The following HTR1D variants were observed in gnomAD, a reference collection of about 807,000 sequenced individuals.
The protein encoded by HTR1D is 5-HT-1D.
Under a neutral mutation model 21.1 loss-of-function variants are expected in HTR1D, and 18 were observed. That is an observed-to-expected ratio of 0.85 (90% CI 0.59 to 1.27). The LOEUF (loss-of-function observed/expected upper bound fraction) is 1.27, where lower values mean the gene tolerates loss of function less well. Ranked by LOEUF, HTR1D falls within the 50% of genes most tolerant of loss-of-function variation. The pLI is 0.00. For synonymous variants in HTR1D, 196 were observed against 204.4 expected (o/e 0.96, Z 0.35); for missense variants, 456 against 481.4 (o/e 0.95, Z 0.49).
chr1:23,212,826 CTTT>C (rs34716227), intron 1 of HTR1D, among the ~76,000 whole-genome samples: 27 of 146,750 alleles, frequency 1.8e-4, no homozygotes, highest in East Asian at 4.0e-4. Context: ...CTGAGTGCCT[CTTT>C]TTTTTTTTTT....
intron 1 of HTR1D, among the ~76,000 whole-genome samples, chr1:23,196,474 A>T (rs636940): frequency 0.35 from 52,909 of 150,938 alleles, 9,811 homozygotes; most frequent in African/African-American, 0.47. Flanking sequence ...GCAGCAGCTA[A>T]ACCTGCAATG....
At chr1:23,199,495 G>A (rs935588417) in intron 1 of HTR1D, among the ~76,000 whole-genome samples, 25 of 124,250 alleles carry the variant, frequency 2.0e-4, no homozygotes, top group African/African-American at 7.3e-4. Context: ...TAGTGGCACA[G>A]TCATAGCTCA....
intron 1 of HTR1D, among the ~76,000 whole-genome samples, chr1:23,210,725 C>T (rs1247065112): frequency 6.6e-6 from 1 of 151,922 alleles, no homozygotes; most frequent in Non-Finnish European, 1.5e-5. Flanking sequence ...TTTCAAGTCT[C>T]CCCCCCAGCT....
chr1:23,199,842 A>G (rs542465967), intron 1 of HTR1D, among the ~76,000 whole-genome samples: 3 of 152,054 alleles, frequency 2.0e-5, no homozygotes, highest in Non-Finnish European at 4.4e-5. Flanking sequence ...AGTAGCTGGG[A>G]CTACAAGCAC....
intron 1 of HTR1D, among the ~76,000 whole-genome samples, chr1:23,199,422 T>C (rs1644701718): frequency 2.5e-5 from 1 of 40,698 alleles, no homozygotes; most frequent in African/African-American, 1.5e-4. Context: ...GGTCTTTTTT[T>C]TTTTTTTTTT....
chr1:23,201,151 A>G (rs1293281213), intron 1 of HTR1D, among the ~76,000 whole-genome samples: 1 of 152,232 alleles, frequency 6.6e-6, no homozygotes, highest in African/African-American at 2.4e-5. Flanking sequence ...TTGGGAATTT[A>G]GAATGGAGAC....
intron 1 of HTR1D, among the ~76,000 whole-genome samples, chr1:23,208,843 T>C (rs574005447): frequency 6.6e-6 from 1 of 152,110 alleles, no homozygotes; most frequent in African/African-American, 2.4e-5. Context: ...TGTGTGGCCA[T>C]TGGGCACTTG....
rs1255344481 is a variant in HTR1D, at chr1:23,217,158, C to T, written c.-783+133G>A. 1.3e-5 allele frequency among the ~76,000 whole-genome samples: 2 copies of T among 151,768 alleles called. No individual in the cohort carries two copies. The highest frequency in any genetic ancestry group is 4.8e-5 in the African/African-American group (2 of 41,378). ...GTCCTCCGGGACCCTCTCCCTGGCG[C>T]GCGCCCGTCCGAGGGCACAGAGAGG... On this transcript the variant is annotated intron_variant, in intron 1 of 1. Coordinates refer to ENST00000374619, the MANE Select transcript of HTR1D (RefSeq NM_000864.5). The surrounding 1 kb of genome is among the most constrained non-coding windows in gnomAD (Gnocchi z 4.6).
At chr1:23,198,282 C>T (rs1431469286) in intron 1 of HTR1D, among the ~76,000 whole-genome samples, 3 of 146,104 alleles carry the variant, frequency 2.1e-5, no homozygotes, top group Non-Finnish European at 4.5e-5. Flanking sequence ...AGGAGAATGG[C>T]GTGAACCCAG....
intron 1 of HTR1D, among the ~76,000 whole-genome samples, chr1:23,202,258 G>A (rs1644712224): frequency 6.6e-6 from 1 of 151,920 alleles, no homozygotes. Context: ...CACCACAACC[G>A]ACTAATTTTT....
chr1:23,204,983 T>C (rs1177874832), intron 1 of HTR1D, among the ~76,000 whole-genome samples: 2 of 152,152 alleles, frequency 1.3e-5, no homozygotes, highest in Admixed American at 6.6e-5. Flanking sequence ...TGCAAAATCA[T>C]AGAACCAACC....
At position 23,192,860 on chromosome 1, in the gene HTR1D, T is replaced by C. The variant is rs556505305; in HGVS notation, c.*226A>G. Reference sequence around the variant, plus strand: ...CAAAAAAAAAAAAAAAGAAAGAAAATATTATGCTAAGTAGTGAAATCTTCA... The same window carrying C: ...CAAAAAAAAAAAAAAAGAAAGAAAACATTATGCTAAGTAGTGAAATCTTCA... On this transcript the variant is annotated 3_prime_UTR_variant, in exon 2 of 2. Coordinates refer to ENST00000374619, the MANE Select transcript of HTR1D (RefSeq NM_000864.5). 906 of 241,058 alleles carry C rather than the reference T, an allele frequency of 3.8e-3. 10 individuals carry two copies. The highest frequency in any genetic ancestry group is 4.8e-3 in the Non-Finnish European group (647 of 133,606). The allele number at this position is 241,058 out of a possible 1,614,324, so 14.9% of individuals were successfully genotyped here.
intron 1 of HTR1D, among the ~76,000 whole-genome samples, chr1:23,198,880 C>A (rs573372298): frequency 3.3e-4 from 50 of 152,254 alleles, no homozygotes; most frequent in African/African-American, 1.2e-3. Flanking sequence ...GGAATATAAT[C>A]ATAAAGGGTT....
Position 23,192,457 on chromosome 1 carries a change from T to C in HTR1D, c.*629A>G, listed in dbSNP as rs1644661553. ...GAGAGCCTTCCCTCTGAGTCTGGGG[T>C]CTTTTCTATAATCAAACAGTTTCTC... On this transcript the variant is annotated 3_prime_UTR_variant, in exon 2 of 2. Transcript: ENST00000374619. The C allele has an allele frequency of 6.6e-6, 1 of 152,472 alleles. No homozygotes were observed. The highest frequency in any genetic ancestry group is 1.5e-5 in the Non-Finnish European group (1 of 68,028). 9.4% of individuals were successfully genotyped at this position (152,472 alleles called of 1,614,324 possible).
intron 1 of HTR1D, among the ~76,000 whole-genome samples, chr1:23,209,884 G>A (rs1644747431): frequency 6.6e-6 from 1 of 152,094 alleles, no homozygotes; most frequent in African/African-American, 2.4e-5. Context: ...TCTGTACTGG[G>A]TACCTGTGAT....
chr1:23,204,965 T>A (rs1256770610), intron 1 of HTR1D, among the ~76,000 whole-genome samples: 2 of 152,148 alleles, frequency 1.3e-5, no homozygotes, highest in African/African-American at 4.8e-5. Context: ...AGCAGCACAA[T>A]TCGCAACTGC....
In HTR1D at chr1:23,194,213, G is replaced by C; in HGVS notation, c.7C>G (p.Pro3Ala). 6.2e-7 allele frequency: 1 copy of C among 1,612,150 alleles called. No homozygotes were observed. Among genetic ancestry groups the C allele is most frequent in the Non-Finnish European group, 8.5e-7 (1 of 1,179,110 alleles). The change falls in exon 2 of 2, where the codon CCA becomes GCA. Residue 3 changes from proline (P) to alanine (A), a missense_variant. By Grantham distance (27) the Pro-to-Ala change is conservative. Coordinates refer to ENST00000374619, the MANE Select transcript of HTR1D (RefSeq NM_000864.5). Reference protein sequence around the residue: MSPLNQSAEGLPQ... With the variant: MSALNQSAEGLPQ... The stretch of plus-strand genomic sequence containing the variant: ...AGGCCTTCTGCTGACTGGTTCAGTG[G>C]GGACATGCTAGGTGGCTCTCTCTTC...
Position 23,193,643 on chromosome 1 carries a change from AG to A in HTR1D, c.576del (p.Ser193LeufsTer37). On this transcript the variant is annotated frameshift_variant, in exon 2 of 2. Coordinates refer to ENST00000374619, the MANE Select transcript of HTR1D (RefSeq NM_000864.5). LOFTEE classifies it high-confidence loss of function. The stretch of plus-strand genomic sequence containing the variant: ...GAGTAGATGGTGTAGGAGATCTGAG[AG>A]GTGTTCACCAGACAGTCCGACATCT... ...QEEMSDCLVN[T>X]SQISYTIYST... is the part of the protein sequence containing the mutation. 1 of 1,613,888 alleles carries A rather than the reference AG, an allele frequency of 6.2e-7. No individual in the cohort carries two copies. Among genetic ancestry groups the A allele is most frequent in the Non-Finnish European group, 8.5e-7 (1 of 1,179,886 alleles).
At chr1:23,195,620 G>C (rs1250664957) in intron 1 of HTR1D, among the ~76,000 whole-genome samples, 2 of 152,054 alleles carry the variant, frequency 1.3e-5, no homozygotes, top group Non-Finnish European at 2.9e-5. Context: ...TGTATTTTTA[G>C]TAGAGATGGG....
Sources: gnomAD v4.1 joint callset for allele counts (sites outside exome capture counted in the v4.1 genomes callset) on GRCh38, gnomAD v4.1.1 for gene constraint, Gnocchi (gnomAD v3.1) non-coding constraint, MANE v1.5 for transcripts, NCBI Gene and HGNC (gene_info 2026-07-23, HGNC 2026-07-21) for gene names.